The following SNTG1 variants were observed in gnomAD, a reference collection of about 807,000 sequenced individuals.
SNTG1 encodes the protein gamma-1-syntrophin.
Under a neutral mutation model 74.7 loss-of-function variants are expected in SNTG1, and 39 were observed. The ratio of observed to expected loss-of-function variants is 0.52; its 90% CI spans 0.40 to 0.68. The LOEUF is 0.68. Ranked by LOEUF, SNTG1 falls within the 30% of genes least tolerant of loss-of-function variation. SNTG1 has a pLI of 0.00. For synonymous variants in SNTG1, 254 were observed against 217.1 expected (o/e 1.17, Z -1.49); for missense variants, 685 against 609.5 (o/e 1.12, Z -1.30).
At chr8:50,342,844 G>A (rs1287747648) in intron 2 of SNTG1, among the ~76,000 whole-genome samples, 2 of 152,146 alleles carry the variant, frequency 1.3e-5, no homozygotes, top group Admixed American at 1.3e-4. Flanking sequence ...TGTTAAAGTG[G>A]AAAGGGAGAG....
intron 1 of SNTG1, among the ~76,000 whole-genome samples, chr8:50,026,728 A>T (rs1308428753): frequency 6.6e-6 from 1 of 152,062 alleles, no homozygotes; most frequent in Non-Finnish European, 1.5e-5. Context: ...TATCCTAAAA[A>T]TTATCTTGCC....
At chr8:50,668,073 A>G (rs2095259274) in intron 15 of SNTG1, among the ~76,000 whole-genome samples, 1 of 152,064 alleles carries the variant, frequency 6.6e-6, no homozygotes, top group African/African-American at 2.4e-5. Flanking sequence ...ATCAGAAGGA[A>G]GTCACTGCCA....
intron 8 of SNTG1, among the ~76,000 whole-genome samples, chr8:50,458,844 AT>A (rs1487428481): frequency 1.3e-5 from 2 of 152,008 alleles, no homozygotes; most frequent in Non-Finnish European, 2.9e-5. Flanking sequence ...ATTCGCAAAT[AT>A]TTTTTCCTAG....
chr8:50,426,722 T>C (rs2093168122), intron 4 of SNTG1, among the ~76,000 whole-genome samples: 1 of 152,058 alleles, frequency 6.6e-6, no homozygotes, highest in South Asian at 2.1e-4. Context: ...TATAAAGTAG[T>C]GTGCTATCAT....
At chr8:50,569,543 A>C in intron 12 of SNTG1, among the ~76,000 whole-genome samples, 1 of 148,720 alleles carries the variant, frequency 6.7e-6, no homozygotes, top group East Asian at 1.9e-4. Flanking sequence ...AAAACAAACA[A>C]AAAACAAAAA....
chr8:49,951,622 C>T (rs1166404623), intron 1 of SNTG1, among the ~76,000 whole-genome samples: 5 of 133,724 alleles, frequency 3.7e-5, no homozygotes, highest in South Asian at 2.7e-4. Context: ...GTGGGGGGAG[C>T]GGGGAGGGAT....
chr8:50,132,288 A>T (rs535523960), intron 1 of SNTG1, among the ~76,000 whole-genome samples: 1 of 152,296 alleles, frequency 6.6e-6, no homozygotes, highest in East Asian at 1.9e-4. Flanking sequence ...CCATTGCAGC[A>T]TCAACTCTAA....
intron 3 of SNTG1, 92 bp from the exon 4 acceptor site, chr8:50,402,118 T>A (rs75805189): frequency 0.06 from 77,579 of 1,287,642 alleles, 2,628 homozygotes; most frequent in Non-Finnish European, 0.066. Context: ...TTAAATGTTA[T>A]TCACCATGTT....
chr8:50,740,148 G>A (rs1406889979), intron 17 of SNTG1, among the ~76,000 whole-genome samples: 1 of 151,980 alleles, frequency 6.6e-6, no homozygotes, highest in Non-Finnish European at 1.5e-5. Flanking sequence ...AAAAAGCTCT[G>A]CGCAGCAAAA....
At chr8:50,392,950 C>T (rs1178462011) in intron 2 of SNTG1, among the ~76,000 whole-genome samples, 11 of 152,066 alleles carry the variant, frequency 7.2e-5, no homozygotes, top group Non-Finnish European at 1.6e-4. Flanking sequence ...TGATTCCAGA[C>T]ATCTCTTGTT....
chr8:50,728,308 C>T (rs183254710), intron 17 of SNTG1, among the ~76,000 whole-genome samples: 44 of 152,272 alleles, frequency 2.9e-4, no homozygotes, highest in Non-Finnish European at 5.1e-4. Context: ...GATGCAGCGC[C>T]GAGGGCACCA....
At chr8:50,296,400 T>C (rs1000811166) in intron 2 of SNTG1, among the ~76,000 whole-genome samples, 4 of 152,192 alleles carry the variant, frequency 2.6e-5, no homozygotes, top group South Asian at 2.1e-4. Context: ...AAAGAAAATG[T>C]GGCACATATA....
chr8:50,441,917 G>T (rs1431278235), intron 5 of SNTG1, among the ~76,000 whole-genome samples: 1 of 152,074 alleles, frequency 6.6e-6, no homozygotes, highest in African/African-American at 2.4e-5. Context: ...TTTTATAACA[G>T]GAATGTTTTA....
intron 2 of SNTG1, among the ~76,000 whole-genome samples, chr8:50,250,839 G>A (rs2086615737): frequency 6.6e-6 from 1 of 151,948 alleles, no homozygotes; most frequent in Admixed American, 6.6e-5. Flanking sequence ...GACCTTATTA[G>A]AAATGCTAAA....
At chr8:50,472,049 G>T (rs2093657935) in intron 8 of SNTG1, among the ~76,000 whole-genome samples, 2 of 152,090 alleles carry the variant, frequency 1.3e-5, no homozygotes, top group Admixed American at 1.3e-4. Context: ...ATTAAAGAAA[G>T]TACAAGTAAA....
At chr8:50,611,707 G>C (rs1005083164) in intron 13 of SNTG1, among the ~76,000 whole-genome samples, 4 of 152,080 alleles carry the variant, frequency 2.6e-5, no homozygotes, top group Non-Finnish European at 5.9e-5. Context: ...AGAATTGCTG[G>C]AGTCCAAGAG....
intron 1 of SNTG1, among the ~76,000 whole-genome samples, chr8:50,047,714 G>A (rs762688015): frequency 1.5e-4 from 23 of 152,150 alleles, no homozygotes; most frequent in Non-Finnish European, 3.1e-4. Flanking sequence ...AAAGTAAGGT[G>A]AAGGGAAAGC....
chr8:49,949,072 G>A (rs542817386), intron 1 of SNTG1, among the ~76,000 whole-genome samples: 1 of 152,148 alleles, frequency 6.6e-6, no homozygotes, highest in Non-Finnish European at 1.5e-5. Flanking sequence ...TTCTTTCCTT[G>A]TTCTCACACT....
intron 8 of SNTG1, among the ~76,000 whole-genome samples, chr8:50,491,620 G>A (rs1324780538): frequency 6.6e-6 from 1 of 152,232 alleles, no homozygotes; most frequent in Non-Finnish European, 1.5e-5. Context: ...GTGGAAGGAC[G>A]CGGGCTGAGC....
Sources: allele counts gnomAD v4.1 joint callset (sites outside exome capture counted in the v4.1 genomes callset), GRCh38; gene constraint gnomAD v4.1.1; transcripts MANE v1.5; gene names NCBI Gene and HGNC (gene_info 2026-07-23, HGNC 2026-07-21).